The following CDC73 variants were observed in gnomAD, a reference collection of about 807,000 sequenced individuals.
CDC73 encodes the protein cell division cycle 73, also known as parafibromin.
CDC73 carries 21 observed loss-of-function variants against 83.7 expected under a neutral mutation model. The observed-to-expected ratio is 0.25, with a 90% CI of 0.18 to 0.36. The LOEUF (loss-of-function observed/expected upper bound fraction) is 0.36, where lower values mean the gene tolerates loss of function less well. CDC73 is among the 10% of genes least tolerant of loss of function. CDC73 has a pLI of 1.00. For synonymous variants in CDC73, 224 were observed against 212.9 expected (o/e 1.05, Z -0.45); for missense variants, 342 against 653.3 (o/e 0.52, Z 5.19).
chr1:193,201,947 C>G (rs1409656146), intron 10 of CDC73, among the ~76,000 whole-genome samples: 1 of 151,940 alleles, frequency 6.6e-6, no homozygotes, highest in African/African-American at 2.4e-5. Context: ...AAAAGAAGGG[C>G]TTTGATTTGA....
At chr1:193,215,209 C>T (rs774482997) in intron 13 of CDC73, among the ~76,000 whole-genome samples, 2 of 152,188 alleles carry the variant, frequency 1.3e-5, no homozygotes, top group Non-Finnish European at 2.9e-5. Context: ...TCTAGCTTCT[C>T]TCAAATTATG....
chr1:193,179,428 A>T lies in CDC73; in HGVS notation c.973-24367A>T, dbSNP rs1294314328. On this transcript the variant is annotated intron_variant, in intron 10 of 16. Coordinates refer to ENST00000367435, the MANE Select transcript of CDC73 (RefSeq NM_024529.5). ...CCTTTAAGTGATTACTTTTGCTTCG[A>T]TTATCTTTACAGATATATTCGAAGT... is the stretch of plus-strand genomic sequence containing the variant. 5.9e-5 allele frequency: 9 copies of T among 152,754 alleles called. No individual in the cohort carries two copies. The East Asian group carries it at 1.7e-3, about 29-fold the overall frequency. The allele number at this position is 152,754 out of a possible 1,614,324, so 9.5% of individuals were successfully genotyped here.
chr1:193,254,712 A>G lies in CDC73; in HGVS notation c.*4000A>G, dbSNP rs1678103078. 6.6e-6 allele frequency among the ~76,000 whole-genome samples: 1 copy of G among 152,148 alleles called. No homozygotes were observed. The highest frequency in any genetic ancestry group is 1.5e-5 in the Non-Finnish European group (1 of 68,012). ...TATTTTAGGTAATCTTTATAAGGGC[A>G]TCTTGGAAGTTATAAATATGTGCCA... On this transcript the variant is annotated 3_prime_UTR_variant, in exon 17 of 17. Coordinates refer to ENST00000367435, the MANE Select transcript of CDC73 (RefSeq NM_024529.5).
At chr1:193,248,076 G>T (rs1310121345) in intron 15 of CDC73, among the ~76,000 whole-genome samples, 1 of 152,066 alleles carries the variant, frequency 6.6e-6, no homozygotes, top group Non-Finnish European at 1.5e-5. Flanking sequence ...TGCAGAGAAG[G>T]CTGTGCTTTG....
At position 193,216,478 on chromosome 1, in the gene CDC73, C is replaced by T. The variant is rs199798024; in HGVS notation, c.1154+4001C>T. On this transcript the variant is annotated intron_variant, in intron 13 of 16. Coordinates refer to ENST00000367435, the MANE Select transcript of CDC73 (RefSeq NM_024529.5). ...CCTACCAACCGGAAGCCCCCCAACC[C>T]CAAACCAGACAGATTAACAGCTGAA... 1.2e-4 allele frequency among the ~76,000 whole-genome samples: 18 copies of T among 152,168 alleles called. No individual in the cohort carries two copies. The East Asian group carries it at 3.3e-3, about 28-fold the overall frequency.
intron 10 of CDC73, chr1:193,180,829 A>G (rs368427880): frequency 1.9e-6 from 3 of 1,613,956 alleles, no homozygotes; most frequent in Non-Finnish European, 2.5e-6. Context: ...AACATATGGA[A>G]TATGTGGACA....
intron 10 of CDC73, among the ~76,000 whole-genome samples, chr1:193,160,663 C>T (rs1168289015): frequency 6.6e-6 from 1 of 151,908 alleles, no homozygotes; most frequent in Non-Finnish European, 1.5e-5. Context: ...CCTACTACTC[C>T]TTGTATTTTT....
chr1:193,172,092 T>C (rs543538598), intron 10 of CDC73, among the ~76,000 whole-genome samples: 79 of 152,028 alleles, frequency 5.2e-4, no homozygotes, highest in Non-Finnish European at 1.0e-3. Flanking sequence ...ACCTGGCTAA[T>C]ATTTGTATTT....
At chr1:193,156,380 C>A (rs570446764) in intron 10 of CDC73, among the ~76,000 whole-genome samples, 20 of 152,290 alleles carry the variant, frequency 1.3e-4, no homozygotes, top group African/African-American at 4.3e-4. Flanking sequence ...TCACACCCTG[C>A]AATTATAGAG....
intron 10 of CDC73, among the ~76,000 whole-genome samples, chr1:193,152,860 ACCT>A (rs1469799533): frequency 1.3e-5 from 2 of 151,762 alleles, no homozygotes; most frequent in Non-Finnish European, 2.9e-5. Flanking sequence ...GCTCACTGCA[ACCT>A]CCGCCTCCCG....
At chr1:193,219,245 A>G (rs750312864) in intron 13 of CDC73, among the ~76,000 whole-genome samples, 1 of 152,234 alleles carries the variant, frequency 6.6e-6, no homozygotes, top group Non-Finnish European at 1.5e-5. Flanking sequence ...AAAATAATAG[A>G]TCTTGGTGAG....
At position 193,197,799 on chromosome 1, in the gene CDC73, G is replaced by A. The variant is rs1423595535; in HGVS notation, c.973-5996G>A. On this transcript the variant is annotated intron_variant, in intron 10 of 16. Coordinates refer to ENST00000367435, the MANE Select transcript of CDC73 (RefSeq NM_024529.5). ...AAATTAGCCAGGTTTGATGGTGCAC[G>A]CCTGCACTCCCAGCTACTCAGGAGG... Among the ~76,000 whole-genome samples, 5 of 151,876 alleles carry A rather than the reference G, an allele frequency of 3.3e-5. No homozygotes were observed. In the South Asian group the frequency reaches 1.0e-3, roughly 32 times the overall value.
chr1:193,132,737 A>G (rs1037471069), intron 3 of CDC73, among the ~76,000 whole-genome samples: 9 of 151,964 alleles, frequency 5.9e-5, no homozygotes, highest in African/African-American at 2.2e-4. Context: ...TTTTGGCTTC[A>G]GAAGATGTGA....
intron 11 of CDC73, among the ~76,000 whole-genome samples, chr1:193,209,908 T>C (rs1453123752): frequency 6.6e-6 from 1 of 152,094 alleles, no homozygotes; most frequent in Non-Finnish European, 1.5e-5. Context: ...CCATCTTTGT[T>C]TTTTTGTAGT....
intron 10 of CDC73, among the ~76,000 whole-genome samples, chr1:193,170,638 G>T (rs1676504029): frequency 6.6e-6 from 1 of 152,040 alleles, no homozygotes; most frequent in Non-Finnish European, 1.5e-5. Flanking sequence ...TGTTGTTGTT[G>T]TTTATTTGTT....
chr1:193,170,977 A>G (rs748958075), intron 10 of CDC73, among the ~76,000 whole-genome samples: 6 of 152,254 alleles, frequency 3.9e-5, no homozygotes, highest in Non-Finnish European at 5.9e-5. Context: ...TCCAAGGACT[A>G]TATGGATAAC....
chr1:193,201,323 T>C (rs940015580), intron 10 of CDC73, among the ~76,000 whole-genome samples: 2 of 152,328 alleles, frequency 1.3e-5, no homozygotes, highest in South Asian at 4.1e-4. Flanking sequence ...AAGTAGGTCT[T>C]GCAGGCCACT....
chr1:193,166,161 AT>A (rs562767681), intron 10 of CDC73, among the ~76,000 whole-genome samples: 1 of 151,092 alleles, frequency 6.6e-6, no homozygotes, highest in Non-Finnish European at 1.5e-5. Context: ...GTTTAAGTGC[AT>A]TTTTTTTTCT....
intron 11 of CDC73, among the ~76,000 whole-genome samples, chr1:193,207,591 T>G (rs919582944): frequency 1.3e-5 from 2 of 152,184 alleles, no homozygotes; most frequent in South Asian, 2.1e-4. Context: ...GATATCTCTC[T>G]TACTTGCATG....
Sources: allele counts gnomAD v4.1 joint callset (sites outside exome capture counted in the v4.1 genomes callset), GRCh38; gene constraint gnomAD v4.1.1; transcripts MANE v1.5; gene names NCBI Gene and HGNC (gene_info 2026-07-23, HGNC 2026-07-21).